The following NCDN variants were observed in gnomAD, a reference collection of about 807,000 sequenced individuals.
NCDN encodes the protein norbin.
In NCDN, 9 loss-of-function variants were observed where a neutral mutation model predicts 60.7. The ratio of observed to expected loss-of-function variants is 0.15; its 90% confidence interval spans 0.09 to 0.26. The LOEUF is 0.26. Ranked by LOEUF, NCDN falls within the 10% of genes least tolerant of loss-of-function variation. The pLI, the probability that NCDN is intolerant of heterozygous loss-of-function variation, is 1.00. For synonymous variants in NCDN, 409 were observed against 442.5 expected, an observed-to-expected ratio of 0.92 and a Z score of 0.95; for missense variants, 578 against 975.2, an observed-to-expected ratio of 0.59 and a Z score of 5.42.
rs1241263521 is a variant in NCDN, at chr1:35,560,159, C to T, written c.175-167C>T. Reference sequence around the variant, plus strand: ...CACAGATGAGAGGGATCCCAGAGGTCACATTTATCTGCCTCTAAGGAGAAA... The same window carrying T: ...CACAGATGAGAGGGATCCCAGAGGTTACATTTATCTGCCTCTAAGGAGAAA... On this transcript the variant is annotated intron_variant, in intron 2 of 6. Transcript: ENST00000373243. The surrounding 1 kb of genome is among the most constrained non-coding windows in gnomAD (Gnocchi z 7.6). 7.2e-5 allele frequency among the ~76,000 whole-genome samples: 11 copies of T among 152,112 alleles called. No homozygotes were observed. The highest frequency in any genetic ancestry group is 1.3e-4 in the Non-Finnish European group (9 of 68,032).
rs28655939 is a variant in NCDN, at chr1:35,561,057, C to T, written c.906C>T (p.Ser302=). ...CCGACTGGATCCCGGCGGGCAGCTC[C>T]GGGAGCAAGTTCCTGGCCCTGCTGG... The part of the protein sequence containing the change: ...CGSDWIPAGS[S]GSKFLALLVN... Residue 302 remains serine, a synonymous_variant, in exon 3 of 7, where the codon TCC becomes TCT. Coordinates refer to ENST00000373243, the MANE Select transcript of NCDN (RefSeq NM_014284.3). This position sits in a 1 kb window ranked among gnomAD's most constrained non-coding sequence, Gnocchi z 4.9. The T allele has an allele frequency of 2.2e-5, 35 of 1,612,866 alleles. No homozygotes were observed. Among genetic ancestry groups the T allele is most frequent in the Admixed American group, 6.7e-5 (4 of 59,972 alleles).
rs1490939542 is a variant in NCDN, at chr1:35,566,106, G to A, written c.*443G>A. 2 of 184,698 alleles carry A rather than the reference G, an allele frequency of 1.1e-5. No homozygotes were observed. The highest frequency in any genetic ancestry group is 1.1e-4 in the South Asian group (1 of 9,174). The allele number at this position is 184,698 out of a possible 1,614,324, so 11.4% of individuals were successfully genotyped here. A position where few individuals can be genotyped will look rare whatever the true frequency, so the allele number is the denominator to read the frequency against. On this transcript the variant is annotated 3_prime_UTR_variant, in exon 7 of 7. Transcript: ENST00000373243. This position sits in a 1 kb window ranked among gnomAD's most constrained non-coding sequence, Gnocchi z 5.3. ...GCCTCCTCTGGCCCCCCAGGTCCACGTCCTTTAAATTGGCCCTTTGGCTCT... is the reference window on the plus strand; with the variant it reads ...GCCTCCTCTGGCCCCCCAGGTCCACATCCTTTAAATTGGCCCTTTGGCTCT...
At position 35,562,036 on chromosome 1, in the gene NCDN, T is replaced by C. The variant is rs1178505826; in HGVS notation, c.1144-356T>C. On this transcript the variant is annotated intron_variant, in intron 3 of 6. Transcript: ENST00000373243. The surrounding 1 kb of genome is among the most constrained non-coding windows in gnomAD (Gnocchi z 6.8). ...GAGCTGCTGTAAAGGGTGTTTAACTTAGCTTTTGACCTATGAATTTCCTTC... is the reference window on the plus strand; with the variant it reads ...GAGCTGCTGTAAAGGGTGTTTAACTCAGCTTTTGACCTATGAATTTCCTTC... Among the ~76,000 whole-genome samples, 2 of 152,140 alleles carry C rather than the reference T, an allele frequency of 1.3e-5. No individual in the cohort carries two copies. Among genetic ancestry groups the C allele is most frequent in the Non-Finnish European group, 2.9e-5 (2 of 68,014 alleles).
At position 35,562,410 on chromosome 1, in the gene NCDN, A is replaced by C. The variant is rs1042604216; in HGVS notation, c.1162A>C (p.Lys388Gln). 6.2e-6 allele frequency: 10 copies of C among 1,614,102 alleles called. No individual in the cohort carries two copies. Among genetic ancestry groups the C allele is most frequent in the Non-Finnish European group, 8.5e-6 (10 of 1,179,976 alleles). The change falls in exon 4 of 7, where the codon AAG becomes CAG. Residue 388 changes from lysine to glutamine, a missense_variant. Coordinates refer to ENST00000373243, the MANE Select transcript of NCDN (RefSeq NM_014284.3). The surrounding 1 kb of genome is among the most constrained non-coding windows in gnomAD (Gnocchi z 6.8). ...YLLQVGSEKQ[K>Q]EPFVFASVRI... ...GCAACAGGTGGGGTCAGAGAAGCAGAAGGAGCCCTTTGTGTTTGCCTCGGT... is the reference window on the plus strand; with the variant it reads ...GCAACAGGTGGGGTCAGAGAAGCAGCAGGAGCCCTTTGTGTTTGCCTCGGT...
rs1178416762 is a variant in NCDN, at chr1:35,561,745, T to C, written c.1143+451T>C. 6.6e-6 allele frequency among the ~76,000 whole-genome samples: 1 copy of C among 152,140 alleles called. No homozygotes were observed. Among genetic ancestry groups the C allele is most frequent in the Non-Finnish European group, 1.5e-5 (1 of 68,020 alleles). ...CTGGTTCCTGGCCTCTATAGAGGTC[T>C]GGCTAGATCAATTCGCCTGCCTCCC... On this transcript the variant is annotated intron_variant, in intron 3 of 6. Coordinates refer to ENST00000373243, the MANE Select transcript of NCDN (RefSeq NM_014284.3). This position sits in a 1 kb window ranked among gnomAD's most constrained non-coding sequence, Gnocchi z 4.9.
At position 35,559,247 on chromosome 1, in the gene NCDN, A is replaced by G. The variant is rs1648599460; in HGVS notation, c.174A>G (p.Leu58=). Residue 58 remains leucine, a splice_region_variant and synonymous_variant, in exon 2 of 7, where the codon CTA becomes CTG. Coordinates refer to ENST00000373243, the MANE Select transcript of NCDN (RefSeq NM_014284.3). ...NDSEQFAALL[L]VTKAVKAGDI... is the part of the protein sequence containing the mutation. ...GCGAGCAGTTTGCAGCCCTGCTGCTAGTAAGGAACTGGCTGAAAATTGGGA... is the reference window on the plus strand; with the variant it reads ...GCGAGCAGTTTGCAGCCCTGCTGCTGGTAAGGAACTGGCTGAAAATTGGGA... 1 of 1,614,116 alleles carries G rather than the reference A, an allele frequency of 6.2e-7. No individual in the cohort carries two copies. The highest frequency in any genetic ancestry group is 8.5e-7 in the Non-Finnish European group (1 of 1,179,980).
intron 6 of NCDN, among the ~76,000 whole-genome samples, chr1:35,564,528 C>T (rs1318473985): frequency 6.6e-6 from 1 of 152,174 alleles, no homozygotes; most frequent in Non-Finnish European, 1.5e-5. Flanking sequence ...GGGAACAGGG[C>T]GTAACATGCC....
rs888442564 is a variant in NCDN, at chr1:35,561,529, A to G, written c.1143+235A>G. Reference sequence around the variant, plus strand: ...TGCACTCACATCACAGTACACACACACGCACACACACACAACACAGTAACC... The same window carrying G: ...TGCACTCACATCACAGTACACACACGCGCACACACACACAACACAGTAACC... On this transcript the variant is annotated intron_variant, in intron 3 of 6. Transcript: ENST00000373243. The surrounding 1 kb of genome is among the most constrained non-coding windows in gnomAD (Gnocchi z 4.9). 6.6e-6 allele frequency among the ~76,000 whole-genome samples: 1 copy of G among 152,016 alleles called. No homozygotes were observed. Among genetic ancestry groups the G allele is most frequent in the Non-Finnish European group, 1.5e-5 (1 of 67,980 alleles).
Position 35,565,703 on chromosome 1 carries a change from G to C in NCDN, c.*40G>C. ...GGACAGACCCAGGGGCGGGCAGAGA[G>C]GGAAGGAGGGAGGAGGCATCTTCCC... is the stretch of plus-strand genomic sequence containing the variant. On this transcript the variant is annotated 3_prime_UTR_variant, in exon 7 of 7. Coordinates refer to ENST00000373243, the MANE Select transcript of NCDN (RefSeq NM_014284.3). This position sits in a 1 kb window ranked among gnomAD's most constrained non-coding sequence, Gnocchi z 8.9. 6.7e-7 allele frequency: 1 copy of C among 1,502,164 alleles called. No individual in the cohort carries two copies. The highest frequency in any genetic ancestry group is 8.9e-7 in the Non-Finnish European group (1 of 1,126,006). 93.1% of individuals were successfully genotyped at this position (1,502,164 alleles called of 1,614,324 possible). A position where few individuals can be genotyped will look rare whatever the true frequency, so the allele number is the denominator to read the frequency against.
At position 35,561,533 on chromosome 1, in the gene NCDN, A is replaced by G. The variant is rs1347007879; in HGVS notation, c.1143+239A>G. 6.6e-6 allele frequency among the ~76,000 whole-genome samples: 1 copy of G among 151,946 alleles called. No individual in the cohort carries two copies. Among genetic ancestry groups the G allele is most frequent in the Non-Finnish European group, 1.5e-5 (1 of 67,976 alleles). On this transcript the variant is annotated intron_variant, in intron 3 of 6. Transcript: ENST00000373243. The surrounding 1 kb of genome is among the most constrained non-coding windows in gnomAD (Gnocchi z 4.9). The stretch of plus-strand genomic sequence containing the variant: ...CTCACATCACAGTACACACACACGC[A>G]CACACACACAACACAGTAACCTCCC...
Position 35,565,915 on chromosome 1 carries a change from G to A in NCDN, c.*252G>A. 4.0e-6 allele frequency: 2 copies of A among 502,872 alleles called. No homozygotes were observed. Among genetic ancestry groups the A allele is most frequent in the South Asian group, 2.4e-5 (1 of 42,170 alleles). The allele number at this position is 502,872 out of a possible 1,614,324, so 31.2% of individuals were successfully genotyped here. On this transcript the variant is annotated 3_prime_UTR_variant, in exon 7 of 7. Coordinates refer to ENST00000373243, the MANE Select transcript of NCDN (RefSeq NM_014284.3). The surrounding 1 kb of genome is among the most constrained non-coding windows in gnomAD (Gnocchi z 8.9). ...AACGTGGTTGTCCCCGCCAGGCCGG[G>A]GAAGGTTGGAGCAGCCCCCAGGGAG...
rs1161066707 is a variant in NCDN at position 35,563,050 on chromosome 1, G to A, written c.1386-152G>A. 6.4e-6 allele frequency: 5 copies of A among 785,666 alleles called. No homozygotes were observed. Among genetic ancestry groups the A allele is most frequent in the East Asian group, 2.7e-5 (1 of 36,924 alleles). The allele number at this position is 785,666 out of a possible 1,614,324, so 48.7% of individuals were successfully genotyped here. A position where few individuals can be genotyped will look rare whatever the true frequency, so the allele number is the denominator to read the frequency against. ...GCCCAAGTTTGGTCCTGGGTTGTGCGACTCTGAAGCTTGTACTTTTTCTGT... is the reference window on the plus strand; with the variant it reads ...GCCCAAGTTTGGTCCTGGGTTGTGCAACTCTGAAGCTTGTACTTTTTCTGT... On this transcript the variant is annotated intron_variant, in intron 4 of 6. Coordinates refer to ENST00000373243, the MANE Select transcript of NCDN (RefSeq NM_014284.3). The surrounding 1 kb of genome is among the most constrained non-coding windows in gnomAD (Gnocchi z 6.6).
Position 35,558,781 on chromosome 1 carries a change from G to A in NCDN, c.34-326G>A, listed in dbSNP as rs1193006759. 34 of 1,067,798 alleles carry A rather than the reference G, an allele frequency of 3.2e-5. No homozygotes were observed. Among genetic ancestry groups the A allele is most frequent in the Middle Eastern group, 3.5e-4 (1 of 2,822 alleles). 66.1% of individuals were successfully genotyped at this position (1,067,798 alleles called of 1,614,324 possible). On this transcript the variant is annotated intron_variant, in intron 1 of 6. Coordinates refer to ENST00000373243, the MANE Select transcript of NCDN (RefSeq NM_014284.3). This position sits in a 1 kb window ranked among gnomAD's most constrained non-coding sequence, Gnocchi z 6.3. ...CCCAGCCTCCGGTGCCAGGGGGACA[G>A]CTGAGCAGTGGGGCCAGCTCCCGCC...
rs1430863223 is a variant in NCDN, at chr1:35,557,841, C to A, written c.-350C>A. On this transcript the variant is annotated 5_prime_UTR_variant, in exon 1 of 7. Transcript: ENST00000373243. The stretch of plus-strand genomic sequence containing the variant: ...GAGCAGCGGCCCGAGGCTCCCGGAG[C>A]ATCGCGCTGGGAGAAGACTTCGCCG... 1.8e-6 allele frequency: 1 copy of A among 562,820 alleles called. No individual in the cohort carries two copies. Among genetic ancestry groups the A allele is most frequent in the Non-Finnish European group, 3.4e-6 (1 of 297,162 alleles). The allele number at this position is 562,820 out of a possible 1,614,324, so 34.9% of individuals were successfully genotyped here. A position where few individuals can be genotyped will look rare whatever the true frequency, so the allele number is the denominator to read the frequency against.
Position 35,566,390 on chromosome 1 carries a change from T to C in NCDN, c.*727T>C. The C allele has an allele frequency of 4.7e-6, 1 of 211,592 alleles. No homozygotes were observed. Among genetic ancestry groups the C allele is most frequent in the South Asian group, 7.0e-5 (1 of 14,362 alleles). 13.1% of individuals were successfully genotyped at this position (211,592 alleles called of 1,614,324 possible). On this transcript the variant is annotated 3_prime_UTR_variant, in exon 7 of 7. Transcript: ENST00000373243. This position sits in a 1 kb window ranked among gnomAD's most constrained non-coding sequence, Gnocchi z 5.3. ...GGGTTGGGGGGTTATTTATTTTGCC[T>C]GTCCTTATCCCTGCTTGGACACCTG...
rs373852292 is a variant in NCDN at position 35,563,232 on chromosome 1, C to G, written c.1416C>G (p.Thr472=). 4 of 1,613,774 alleles carry G rather than the reference C, an allele frequency of 2.5e-6. No individual in the cohort carries two copies. Among genetic ancestry groups the G allele is most frequent in the Non-Finnish European group, 3.4e-6 (4 of 1,179,822 alleles). ...TCCTGCCTGGCTGGTGCCACCTGAC[C>G]GTTGAAGATGGGCCCCGGGAGATCC... The part of the protein sequence containing the change: ...RLLLPGWCHL[T]VEDGPREILI... The change falls in exon 5 of 7, where the codon ACC becomes ACG. Residue 472 remains threonine, a synonymous_variant. Transcript: ENST00000373243. The surrounding 1 kb of genome is among the most constrained non-coding windows in gnomAD (Gnocchi z 6.6).
rs1557426943 is a variant in NCDN, at chr1:35,562,659, A to G, written c.1385+26A>G. The G allele has an allele frequency of 1.3e-6, 2 of 1,596,750 alleles. No homozygotes were observed. Among genetic ancestry groups the G allele is most frequent in the Non-Finnish European group, 8.6e-7 (1 of 1,169,222 alleles). On this transcript the variant is annotated intron_variant, in intron 4 of 6. Coordinates refer to ENST00000373243, the MANE Select transcript of NCDN (RefSeq NM_014284.3). This position sits in a 1 kb window ranked among gnomAD's most constrained non-coding sequence, Gnocchi z 6.8. Reference sequence around the variant, plus strand: ...GTGAGTCTGTAGTTACAGTCTGTCCAGCTAGATCATTCTACCGAAAAGCGT... The same window carrying G: ...GTGAGTCTGTAGTTACAGTCTGTCCGGCTAGATCATTCTACCGAAAAGCGT...
rs1648499910 is a variant in NCDN, at chr1:35,558,464, G to C, written c.33+241G>C. 3 of 1,424,358 alleles carry C rather than the reference G, an allele frequency of 2.1e-6. No individual in the cohort carries two copies. The allele number at this position is 1,424,358 out of a possible 1,614,324, so 88.2% of individuals were successfully genotyped here. ...GCTGCTGCTGCTGCAGCCTCTACCC[G>C]AGGGAGGGAAAGGAGAGGAGGCAAG... is the stretch of plus-strand genomic sequence containing the variant. On this transcript the variant is annotated intron_variant, in intron 1 of 6. Transcript: ENST00000373243. This position sits in a 1 kb window ranked among gnomAD's most constrained non-coding sequence, Gnocchi z 6.3.
Position 35,562,535 on chromosome 1 carries a change from C to T in NCDN, c.1287C>T (p.Tyr429=), listed in dbSNP as rs1260326388. Residue 429 remains tyrosine, a synonymous_variant, in exon 4 of 7, where the codon TAC becomes TAT. Coordinates refer to ENST00000373243, the MANE Select transcript of NCDN (RefSeq NM_014284.3). This position sits in a 1 kb window ranked among gnomAD's most constrained non-coding sequence, Gnocchi z 6.8. ...TCGTCCGCTATGCCAAGACCCTCTA[C>T]GAGGAGGCCGAGGAGGCCAATGACC... ...PFLVRYAKTL[Y]EEAEEANDLS... 3.1e-6 allele frequency: 5 copies of T among 1,613,948 alleles called. No homozygotes were observed. The highest frequency in any genetic ancestry group is 1.1e-5 in the South Asian group (1 of 91,090).
Sources: allele counts gnomAD v4.1 joint callset (sites outside exome capture counted in the v4.1 genomes callset), GRCh38; gene constraint gnomAD v4.1.1; non-coding constraint Gnocchi (gnomAD v3.1); transcripts MANE v1.5; gene names NCBI Gene and HGNC (gene_info 2026-07-23, HGNC 2026-07-21).